The following DEAF1 variants were observed in gnomAD, a reference collection of about 807,000 sequenced individuals.
DEAF1 encodes deformed epidermal autoregulatory factor 1 homolog.
DEAF1 carries 53 observed loss-of-function variants against 58.9 expected under a neutral mutation model. That is an observed-to-expected ratio of 0.90 (90% CI 0.72 to 1.13). The LOEUF (loss-of-function observed/expected upper bound fraction) is 1.13. Ranked by LOEUF, DEAF1 falls within the 50% of genes most tolerant of loss-of-function variation. The probability of loss-of-function intolerance (pLI) is 0.00; values close to 1 mark genes in which losing one functional copy is unlikely to be tolerated. For synonymous variants in DEAF1, 385 were observed against 340.4 expected, an observed-to-expected ratio of 1.13 and a Z score of -1.44; for missense variants, 685 against 791.4, an observed-to-expected ratio of 0.87 and a Z score of 1.61.
At chr11:666,778 C>T (rs1256712154) in intron 10 of DEAF1, among the ~76,000 whole-genome samples, 1 of 141,400 alleles carries the variant, frequency 7.1e-6, no homozygotes, top group Non-Finnish European at 1.5e-5. Context: ...ACTTGGAAGG[C>T]TGAGGCAAGA....
At chr11:691,974 T>C (rs1249549356) in intron 1 of DEAF1, among the ~76,000 whole-genome samples, 1 of 152,052 alleles carries the variant, frequency 6.6e-6, no homozygotes, top group African/African-American at 2.4e-5. Flanking sequence ...TACGAGGAGC[T>C]CTCGGCCTCC....
At chr11:658,347 T>A (rs1008352236) in intron 10 of DEAF1, among the ~76,000 whole-genome samples, 1 of 152,326 alleles carries the variant, frequency 6.6e-6, no homozygotes, top group South Asian at 2.1e-4. Flanking sequence ...GAGAATGGCA[T>A]GAACCCAGGA....
intron 10 of DEAF1, among the ~76,000 whole-genome samples, chr11:656,895 G>T (rs565463482): frequency 6.6e-6 from 1 of 151,548 alleles, no homozygotes; most frequent in Admixed American, 6.6e-5. Flanking sequence ...GAAAAATAAC[G>T]TTCTAGGAAG....
At chr11:670,401 CTT>C (rs56358451) in intron 10 of DEAF1, among the ~76,000 whole-genome samples, 94,444 of 143,776 alleles carry the variant, frequency 0.66, 30,861 homozygotes, top group East Asian at 0.92. Flanking sequence ...TGGAAGTATA[CTT>C]TTTTTTTTTT....
chr11:662,137 G>A (rs1859345273), intron 10 of DEAF1, among the ~76,000 whole-genome samples: 1 of 152,064 alleles, frequency 6.6e-6, no homozygotes, highest in Non-Finnish European at 1.5e-5. Context: ...AAACTAGCTG[G>A]GCGCAGTAGT....
chr11:702,252 C>A (rs983976142), intron 1 of DEAF1, among the ~76,000 whole-genome samples: 5 of 152,250 alleles, frequency 3.3e-5, no homozygotes, highest in Non-Finnish European at 7.3e-5. Flanking sequence ...TCTGCACTTA[C>A]GTCCCAGAAC....
intron 1 of DEAF1, chr11:704,715 A>G (rs1343507937): frequency 3.3e-6 from 4 of 1,212,262 alleles, no homozygotes; most frequent in South Asian, 1.3e-5. Flanking sequence ...AGGGAACGCC[A>G]TGGCTCCAGG....
At chr11:705,475 CG>C (rs1861674021) in intron 1 of DEAF1, 2 of 153,248 alleles carry the variant, frequency 1.3e-5, no homozygotes, top group African/African-American at 4.8e-5. Context: ...GGCCTGACCA[CG>C]GGGCAGTGCA....
At chr11:685,048 TA>T in intron 5 of DEAF1, 85 bp from the exon 6 acceptor site, 1 of 975,424 alleles carries the variant, frequency 1.0e-6, no homozygotes, top group East Asian at 2.7e-5. Flanking sequence ...CAACCACTTT[TA>T]CCACTTACCT....
chr11:645,860 G>T (rs765970662), intron 11 of DEAF1, among the ~76,000 whole-genome samples: 2 of 152,196 alleles, frequency 1.3e-5, no homozygotes, highest in Non-Finnish European at 2.9e-5. Flanking sequence ...GCACGGGGGC[G>T]TGATAGGTAC....
intron 1 of DEAF1, chr11:700,598 G>T: frequency 6.2e-7 from 1 of 1,608,676 alleles, no homozygotes; most frequent in East Asian, 2.2e-5. Context: ...TGTTCCGTCC[G>T]CGCCTCTGCT....
chr11:699,027 G>A, upstream of DEAF1: 5 of 994,362 alleles, frequency 5.0e-6, no homozygotes, highest in Non-Finnish European at 6.3e-6. Flanking sequence ...TTCCTTGACA[G>A]ATTTAGAGAG....
At chr11:691,722 A>C in intron 1 of DEAF1, 124 bp from the exon 2 acceptor site, 1 of 770,306 alleles carries the variant, frequency 1.3e-6, no homozygotes, top group Non-Finnish European at 2.2e-6. Flanking sequence ...AACCAGGAAG[A>C]TCTTAACACT....
intron 5 of DEAF1, among the ~76,000 whole-genome samples, chr11:685,307 C>T (rs1330569639): frequency 6.6e-6 from 1 of 152,144 alleles, no homozygotes; most frequent in East Asian, 1.9e-4. Flanking sequence ...TGGTCTCGAA[C>T]TCCTGGCCTC....
chr11:676,568 G>A (rs1168526200), intron 9 of DEAF1, among the ~76,000 whole-genome samples: 9 of 151,832 alleles, frequency 5.9e-5, no homozygotes, highest in East Asian at 2.0e-4. Flanking sequence ...GCTGGAGGGC[G>A]GTGGCATCAT....
Position 703,083 on chromosome 11 carries a change from C to T in DEAF1, c.-438+3489G>A, listed in dbSNP as rs143254467. ...TGGGCGGACTGGGCCCTCAGCGCCA[C>T]GCTCCTGGCCCTTCACGGCCTGGAG... On this transcript the variant is annotated intron_variant, in intron 1 of 11. Coordinates refer to the DEAF1 transcript ENST00000683307. The T allele has an allele frequency of 4.2e-5, 68 of 1,612,216 alleles. No individual in the cohort carries two copies. The highest frequency in any genetic ancestry group is 7.7e-5 in the South Asian group (7 of 91,008).
At chr11:666,210 C>T (rs1016794131) in intron 10 of DEAF1, 1 of 152,246 alleles carries the variant, frequency 6.6e-6, no homozygotes, top group Non-Finnish European at 1.5e-5. Context: ...CAACACTGAT[C>T]CTCTTCAGGG....
intron 10 of DEAF1, among the ~76,000 whole-genome samples, chr11:658,444 AAAC>A (rs1378041771): frequency 4.6e-5 from 7 of 152,290 alleles, no homozygotes; most frequent in South Asian, 2.1e-4. Flanking sequence ...CAAAAACAAA[AAAC>A]CATTCATTAC....
At chr11:704,501 G>C in intron 1 of DEAF1, 1 of 1,289,212 alleles carries the variant, frequency 7.8e-7, no homozygotes, top group South Asian at 1.2e-5. Context: ...GCGCCTGAGC[G>C]CCTCGGGCCA....
Sources: allele counts gnomAD v4.1 joint callset (sites outside exome capture counted in the v4.1 genomes callset), GRCh38; gene constraint gnomAD v4.1.1; transcripts MANE v1.5; gene names NCBI Gene and HGNC (gene_info 2026-07-23, HGNC 2026-07-21).